The following ARNT2 variants were observed in gnomAD, a reference collection of about 807,000 sequenced individuals.
The protein encoded by ARNT2 is aryl hydrocarbon receptor nuclear translocator 2, also known as ARNT protein 2.
Under a neutral mutation model 91.7 loss-of-function variants are expected in ARNT2, and 36 were observed. The observed-to-expected ratio is 0.39, with a 90% CI of 0.30 to 0.52. The LOEUF (loss-of-function observed/expected upper bound fraction) is 0.52, where lower values mean the gene tolerates loss of function less well. ARNT2 is among the 20% of genes least tolerant of loss of function. The probability of loss-of-function intolerance (pLI) is 0.72; values close to 1 mark genes in which losing one functional copy is unlikely to be tolerated. For missense variants in ARNT2, 775 were observed against 939.3 expected, an observed-to-expected ratio of 0.83 and a Z score of 2.29; for synonymous variants, 365 against 347.1, an observed-to-expected ratio of 1.05 and a Z score of -0.57.
chr15:80,409,628 A>G (rs1473302686), intron 1 of ARNT2, among the ~76,000 whole-genome samples: 3 of 152,354 alleles, frequency 2.0e-5, no homozygotes, highest in Non-Finnish European at 4.4e-5. Flanking sequence ...AACTCCTACC[A>G]TCATGCTGCT....
intron 3 of ARNT2, among the ~76,000 whole-genome samples, chr15:80,464,325 TG>T (rs200756364): frequency 4.3e-4 from 60 of 139,632 alleles, no homozygotes; most frequent in Middle Eastern, 3.8e-3. Flanking sequence ...GGGCTGGGGG[TG>T]GGGGGTTGCA....
chr15:80,564,331 C>A (rs902056019), intron 12 of ARNT2, among the ~76,000 whole-genome samples: 1 of 152,160 alleles, frequency 6.6e-6, no homozygotes, highest in Non-Finnish European at 1.5e-5. Flanking sequence ...ACTCTCAGAA[C>A]TTGCCTGGCT....
intron 1 of ARNT2, chr15:80,444,469 T>A (rs1400671851): frequency 1.3e-5 from 2 of 150,520 alleles, no homozygotes. Context: ...GTTTGAGTGG[T>A]TTGTGTGGTG....
rs149469325 is a variant in ARNT2 at position 80,405,605 on chromosome 15, C to T, written c.31+1059C>T. Among the ~76,000 whole-genome samples the T allele has an allele frequency of 2.9e-3, 440 of 152,348 alleles. 2 individuals are homozygous for T. Among genetic ancestry groups the T allele is most frequent in the Non-Finnish European group, 5.4e-3 (365 of 68,034 alleles). ...CCAGGGAAGGCTTCTGGAGATTGGA[C>T]ATTTCGGCTGAACCTTGAAAACGGG... On this transcript the variant is annotated intron_variant, in intron 1 of 18. Transcript: ENST00000303329.
rs547271893 is a variant in ARNT2 at position 80,593,408 on chromosome 15, G to A, written c.2056-192G>A. On this transcript the variant is annotated intron_variant, in intron 18 of 18. Transcript: ENST00000303329. ...CCTGCTGTCACAACAGCTCCCTGGG[G>A]AGAACAGTTTCCCCGGGTCTCAGAC... Among the ~76,000 whole-genome samples the A allele has an allele frequency of 2.3e-3, 351 of 152,358 alleles. 2 individuals are homozygous for A. The highest frequency in any genetic ancestry group is 3.8e-3 in the Non-Finnish European group (259 of 68,042).
intron 8 of ARNT2, among the ~76,000 whole-genome samples, chr15:80,550,395 C>G (rs1448210944): frequency 1.3e-5 from 2 of 152,130 alleles, no homozygotes; most frequent in Non-Finnish European, 2.9e-5. Context: ...CTTGGTCCGA[C>G]CCAGTGTGGA....
intron 1 of ARNT2, among the ~76,000 whole-genome samples, chr15:80,437,190 C>T (rs1179177296): frequency 6.6e-6 from 1 of 152,190 alleles, no homozygotes; most frequent in Non-Finnish European, 1.5e-5. Flanking sequence ...ACTGCTCTAG[C>T]ATCAAGAAGT....
chr15:80,487,363 T>G lies in ARNT2; in HGVS notation c.622+12140T>G, dbSNP rs185123907. Reference sequence around the variant, plus strand: ...TCAGGGCTGTTTTTGCTGAGAGCAGTGGCAGGTCGCCACACTGAGGGTGGG... The same window carrying G: ...TCAGGGCTGTTTTTGCTGAGAGCAGGGGCAGGTCGCCACACTGAGGGTGGG... On this transcript the variant is annotated intron_variant, in intron 5 of 18. Transcript: ENST00000303329. Among the ~76,000 whole-genome samples, 219 of 152,240 alleles carry G rather than the reference T, an allele frequency of 1.4e-3. 1 individual carries two copies. Among genetic ancestry groups the G allele is most frequent in the South Asian group, 2.3e-3 (11 of 4,816 alleles).
At chr15:80,422,541 A>G (rs943513122) in intron 1 of ARNT2, among the ~76,000 whole-genome samples, 2 of 152,244 alleles carry the variant, frequency 1.3e-5, no homozygotes, top group Admixed American at 1.3e-4. Flanking sequence ...ACCTCACTAA[A>G]GGAACTTCTG....
chr15:80,491,005 GAA>G (rs2141411362), intron 5 of ARNT2, among the ~76,000 whole-genome samples: 1 of 152,296 alleles, frequency 6.6e-6, no homozygotes, highest in East Asian at 1.9e-4. Context: ...GGCCTCTGAG[GAA>G]ATGACTATAA....
chr15:80,505,129 T>A (rs1443785182), intron 5 of ARNT2, among the ~76,000 whole-genome samples: 1 of 152,218 alleles, frequency 6.6e-6, no homozygotes, highest in Non-Finnish European at 1.5e-5. Context: ...CTTTTATGTA[T>A]GTTGTATCAC....
intron 17 of ARNT2, among the ~76,000 whole-genome samples, chr15:80,585,253 G>A (rs1898874504): frequency 6.6e-6 from 1 of 152,146 alleles, no homozygotes; most frequent in Admixed American, 6.5e-5. Context: ...CATCCACTAG[G>A]AAACTACACA....
chr15:80,449,039 G>C (rs1333954366), intron 1 of ARNT2, among the ~76,000 whole-genome samples: 1 of 152,176 alleles, frequency 6.6e-6, no homozygotes, highest in East Asian at 1.9e-4. Flanking sequence ...GTGCTGCTTA[G>C]AACATTAGCT....
rs1460645046 is a variant in ARNT2, at chr15:80,410,511, C to T, written c.31+5965C>T. On this transcript the variant is annotated intron_variant, in intron 1 of 18. Coordinates refer to ENST00000303329, the MANE Select transcript of ARNT2 (RefSeq NM_014862.4). ...CATGGAGGCAGTGGGACACATGCTC[C>T]CAGAGATCTGGGCTGGAGAAGGAAA... Among the ~76,000 whole-genome samples the T allele has an allele frequency of 3.3e-5, 5 of 152,102 alleles. No individual in the cohort carries two copies. The East Asian group carries it at 9.6e-4, about 29-fold the overall frequency.
rs191478658 is a variant in ARNT2, at chr15:80,417,999, G to A, written c.31+13453G>A. ...ACTCATCTCATTTGATTGTGGCATG[G>A]TTATATTTACCAATGTTTGGGATGG... is the stretch of plus-strand genomic sequence containing the variant. On this transcript the variant is annotated intron_variant, in intron 1 of 18. Transcript: ENST00000303329. 1.5e-3 allele frequency among the ~76,000 whole-genome samples: 230 copies of A among 152,290 alleles called. 1 individual carries two copies. Among genetic ancestry groups the A allele is most frequent in the Non-Finnish European group, 2.5e-3 (171 of 68,026 alleles).
chr15:80,572,285 G>C (rs1898598203), intron 12 of ARNT2, among the ~76,000 whole-genome samples: 1 of 152,020 alleles, frequency 6.6e-6, no homozygotes, highest in African/African-American at 2.4e-5. Flanking sequence ...CTCCTGGATG[G>C]GGGCCTCCAG....
rs1307470380 is a variant in ARNT2 at position 80,576,154 on chromosome 15, T to G, written c.1514-712T>G. Among the ~76,000 whole-genome samples, 3 of 152,172 alleles carry G rather than the reference T, an allele frequency of 2.0e-5. No homozygotes were observed. The East Asian group carries it at 5.8e-4, about 29-fold the overall frequency. On this transcript the variant is annotated intron_variant, in intron 14 of 18. Transcript: ENST00000303329. ...GAGATGGGATTCAGACCCAGAGAGC[T>G]GAGATAAGAGTCCATCCTCTTCGCT... is the stretch of plus-strand genomic sequence containing the variant.
intron 5 of ARNT2, chr15:80,475,687 T>C (rs552831132): frequency 2.5e-4 from 39 of 154,680 alleles, no homozygotes; most frequent in African/African-American, 9.1e-4. Context: ...TTCGATAACA[T>C]TTAAAAATCC....
intron 12 of ARNT2, among the ~76,000 whole-genome samples, chr15:80,566,207 G>A (rs1016085913): frequency 2.6e-4 from 38 of 148,492 alleles, no homozygotes; most frequent in African/African-American, 1.0e-3. Context: ...GCTCTTGCCT[G>A]CAGCCCTAGA....
Sources: gnomAD v4.1 joint callset for allele counts (sites outside exome capture counted in the v4.1 genomes callset) on GRCh38, gnomAD v4.1.1 for gene constraint, MANE v1.5 for transcripts, NCBI Gene and HGNC (gene_info 2026-07-23, HGNC 2026-07-21) for gene names.